Variants in ATPSCKMT observed in about 807,000 individuals in gnomAD.
ATPSCKMT encodes the protein ATP synthase c subunit lysine N-methyltransferase, also known as ATP synthase subunit C lysine N-methyltransferase.
ATPSCKMT carries 24 observed loss-of-function variants against 24.3 expected under a neutral mutation model. That is an observed-to-expected ratio of 0.99 (90% confidence interval 0.71 to 1.39). The LOEUF (loss-of-function observed/expected upper bound fraction) is 1.39. Ranked by LOEUF, ATPSCKMT falls within the 40% of genes most tolerant of loss-of-function variation. The pLI, the probability that ATPSCKMT is intolerant of heterozygous loss-of-function variation, is 0.00. For missense variants in ATPSCKMT, 311 were observed against 298.4 expected, an observed-to-expected ratio of 1.04 and a Z score of -0.31; for synonymous variants, 95 against 110.5, an observed-to-expected ratio of 0.86 and a Z score of 0.88.
chr5:10,227,842 CA>C (rs1436408083), intron 4 of ATPSCKMT, among the ~76,000 whole-genome samples, 195 bp from the exon 5 acceptor site: 5 of 152,214 alleles, frequency 3.3e-5, no homozygotes, highest in African/African-American at 7.2e-5. Context: ...GTTGTAAGAA[CA>C]CCTTCTAGTA....
At chr5:10,248,886 T>C (rs61148190) in intron 1 of ATPSCKMT, among the ~76,000 whole-genome samples, 1 of 152,154 alleles carries the variant, frequency 6.6e-6, no homozygotes, top group South Asian at 2.1e-4. Context: ...TATTAAGTCA[T>C]GATCTTGGAG....
chr5:10,233,816 C>T (rs1399001227), intron 4 of ATPSCKMT, among the ~76,000 whole-genome samples: 1 of 152,198 alleles, frequency 6.6e-6, no homozygotes, highest in Non-Finnish European at 1.5e-5. Flanking sequence ...AAAAAGCTAA[C>T]AATTCCATTT....
intron 4 of ATPSCKMT, among the ~76,000 whole-genome samples, chr5:10,232,752 C>G (rs1013669219): frequency 3.5e-4 from 53 of 152,172 alleles, no homozygotes; most frequent in African/African-American, 1.2e-3. Context: ...GGCAGCATGG[C>G]CCAGGGGAGG....
rs940729097 is a variant in ATPSCKMT, at chr5:10,227,336, A to C, written c.*105T>G. On this transcript the variant is annotated 3_prime_UTR_variant, in exon 5 of 5. Transcript: ENST00000511437. ...TTAAGGAAAGTAATAGTAATTTCTC[A>C]TTCCAAACCAAAGACAATTATGCTC... 1.2e-4 allele frequency: 146 copies of C among 1,202,594 alleles called. No individual in the cohort carries two copies. In the East Asian group the frequency reaches 2.5e-3, roughly 20 times the overall value. The allele number at this position is 1,202,594 out of a possible 1,614,324, so 74.5% of individuals were successfully genotyped here.
rs890179109 is a variant in ATPSCKMT at position 10,236,821 on chromosome 5, T to C, written c.307-206A>G. 4.1e-6 allele frequency: 6 copies of C among 1,478,512 alleles called. No homozygotes were observed. In the African/African-American group the frequency reaches 4.2e-5, roughly 10 times the overall value. 91.6% of individuals were successfully genotyped at this position (1,478,512 alleles called of 1,614,324 possible). A position where few individuals can be genotyped will look rare whatever the true frequency, so the allele number is the denominator to read the frequency against. ...AACCCATGCAACTTAGTTTCCTTGA[T>C]TGGTTAAAGACTTCACCTCAAGTAT... is the stretch of plus-strand genomic sequence containing the variant. On this transcript the variant is annotated intron_variant, in intron 2 of 4. Transcript: ENST00000511437.
At chr5:10,240,233 CAA>C (rs1216674079) in intron 1 of ATPSCKMT, among the ~76,000 whole-genome samples, 10 of 123,602 alleles carry the variant, frequency 8.1e-5, no homozygotes, top group Non-Finnish European at 6.9e-5. Flanking sequence ...GACTCTGTCT[CAA>C]AAAAAAAAAA....
chr5:10,246,349 C>A (rs1468620206), intron 1 of ATPSCKMT, among the ~76,000 whole-genome samples: 1 of 151,908 alleles, frequency 6.6e-6, no homozygotes, highest in Non-Finnish European at 1.5e-5. Flanking sequence ...GCAAGAGAAT[C>A]ACCTGAACCG....
At chr5:10,243,766 T>C (rs1744757045) in intron 1 of ATPSCKMT, among the ~76,000 whole-genome samples, 1 of 152,254 alleles carries the variant, frequency 6.6e-6, no homozygotes, top group African/African-American at 2.4e-5. Context: ...TGTGGCTGGT[T>C]TGATTTTCTA....
chr5:10,226,655 T>C lies in ATPSCKMT; in HGVS notation c.*786A>G, dbSNP rs534413009. ...TAATCTGCAACTTCTGTGAATAAGA[T>C]TTTTCTCAGTGTCTAAAATAACAAA... On this transcript the variant is annotated 3_prime_UTR_variant, in exon 5 of 5. Transcript: ENST00000511437. 6.6e-6 allele frequency: 1 copy of C among 152,318 alleles called. No individual in the cohort carries two copies. Among genetic ancestry groups the C allele is most frequent in the African/African-American group, 2.4e-5 (1 of 41,572 alleles). 9.4% of individuals were successfully genotyped at this position (152,318 alleles called of 1,614,324 possible). A position where few individuals can be genotyped will look rare whatever the true frequency, so the allele number is the denominator to read the frequency against.
rs868318970 is a variant in ATPSCKMT, at chr5:10,248,912, A to T, written c.16+946T>A. ...GATCTTGGAGGGCGGGGAGGAAGGC[A>T]GCATAAGAGATTTAGAGGACAGCTG... On this transcript the variant is annotated intron_variant, in intron 1 of 4. Coordinates refer to ENST00000511437, the MANE Select transcript of ATPSCKMT (RefSeq NM_199133.4). 2.0e-5 allele frequency among the ~76,000 whole-genome samples: 3 copies of T among 152,330 alleles called. No homozygotes were observed. In the South Asian group the frequency reaches 6.2e-4, roughly 32 times the overall value.
chr5:10,231,245 C>T lies in ATPSCKMT; in HGVS notation c.496-3598G>A, dbSNP rs557993280. Among the ~76,000 whole-genome samples, 75 of 152,290 alleles carry T rather than the reference C, an allele frequency of 4.9e-4. 1 individual carries two copies. In the South Asian group the frequency reaches 0.012, roughly 25 times the overall value. On this transcript the variant is annotated intron_variant, in intron 4 of 4. Transcript: ENST00000511437. ...ACCCCACCTTTGTCTCTCTCCCCAA[C>T]GTTAGATCTGCCAGCTAGTCCTGTG...
chr5:10,226,278 A>G lies in ATPSCKMT; in HGVS notation c.*1163T>C, dbSNP rs1743873386. Reference sequence around the variant, plus strand: ...TAGATACTGAATACATATTTGTTGAATGAATGAATGTGTCCCCAGATGTTT... The same window carrying G: ...TAGATACTGAATACATATTTGTTGAGTGAATGAATGTGTCCCCAGATGTTT... On this transcript the variant is annotated 3_prime_UTR_variant, in exon 5 of 5. Transcript: ENST00000511437. 6.6e-6 allele frequency: 1 copy of G among 152,252 alleles called. No homozygotes were observed. The highest frequency in any genetic ancestry group is 1.5e-5 in the Non-Finnish European group (1 of 68,046). 9.4% of individuals were successfully genotyped at this position (152,252 alleles called of 1,614,324 possible).
In ATPSCKMT at chr5:10,227,583, C is replaced by T. The variant is rs1296572911; in HGVS notation, c.560G>A (p.Arg187Gln). The T allele has an allele frequency of 5.6e-6, 9 of 1,614,176 alleles. No individual in the cohort carries two copies. Among genetic ancestry groups the T allele is most frequent in the East Asian group, 2.2e-5 (1 of 44,890 alleles). ...TGGAGTCCAATGTGGGAAAGGGAACCGGCAAGCAATAACTCGTGCATCATC... is the reference window on the plus strand; with the variant it reads ...TGGAGTCCAATGTGGGAAAGGGAACTGGCAAGCAATAACTCGTGCATCATC... ...LEDDARVIAC[R>Q]FPFPHWTPDH... Residue 187 changes from arginine (R) to glutamine (Q), a missense_variant, in exon 5 of 5, where the codon CGG (arginine) becomes CAG (glutamine). By Grantham distance (43) the Arg-to-Gln change is conservative. Transcript: ENST00000511437.
At chr5:10,240,440 G>A (rs1239149206) in intron 1 of ATPSCKMT, among the ~76,000 whole-genome samples, 1 of 151,968 alleles carries the variant, frequency 6.6e-6, no homozygotes, top group Non-Finnish European at 1.5e-5. Context: ...GATTAACAAG[G>A]AGCACAGTAC....
intron 1 of ATPSCKMT, chr5:10,249,485 C>T (rs1745184695): frequency 3.8e-6 from 1 of 262,166 alleles, no homozygotes; most frequent in South Asian, 1.4e-4. Flanking sequence ...GACAGGGAAC[C>T]CGAGGGACAA....
At position 10,249,877 on chromosome 5, in the gene ATPSCKMT, G is replaced by A. The variant is rs762737774; in HGVS notation, c.-4C>T. On this transcript the variant is annotated 5_prime_UTR_variant, in exon 1 of 5. Transcript: ENST00000511437. ...CCTCACCTCCTCCTCCCTCCATCGC[G>A]AGATTTCCAACAGCGTTTTTAAAAA... 41 of 1,041,786 alleles carry A rather than the reference G, an allele frequency of 3.9e-5. No homozygotes were observed. The highest frequency in any genetic ancestry group is 5.2e-5 in the Non-Finnish European group (40 of 769,426). 64.5% of individuals were successfully genotyped at this position (1,041,786 alleles called of 1,614,324 possible).
At chr5:10,233,990 G>C (rs1331779976) in intron 4 of ATPSCKMT, among the ~76,000 whole-genome samples, 3 of 152,034 alleles carry the variant, frequency 2.0e-5, no homozygotes, top group Non-Finnish European at 4.4e-5. Context: ...TTAATTTTAG[G>C]CCTAATGAGA....
intron 2 of ATPSCKMT, 187 bp from the exon 3 acceptor site, chr5:10,236,802 T>C (rs780941804): frequency 4.7e-6 from 7 of 1,484,998 alleles, no homozygotes; most frequent in Non-Finnish European, 6.3e-6. Context: ...AGTCAACCCA[T>C]GCAACTTAGT....
At chr5:10,244,151 C>T (rs965749351) in intron 1 of ATPSCKMT, among the ~76,000 whole-genome samples, 3 of 152,188 alleles carry the variant, frequency 2.0e-5, no homozygotes, top group Admixed American at 2.0e-4. Context: ...TAGGAAAACA[C>T]ACATTTATCG....
Sources: allele counts gnomAD v4.1 joint callset (sites outside exome capture counted in the v4.1 genomes callset), GRCh38; gene constraint gnomAD v4.1.1; transcripts MANE v1.5; gene names NCBI Gene and HGNC (gene_info 2026-07-23, HGNC 2026-07-21).